VKORC1L1: variants seen among roughly 807,000 people sequenced by gnomAD.
The protein encoded by VKORC1L1 is vitamin K epoxide reductase complex subunit 1-like protein 1.
VKORC1L1 carries 2 observed loss-of-function variants against 18.9 expected under a neutral mutation model. The ratio of observed to expected loss-of-function variants is 0.11; its 90% CI spans 0.04 to 0.33. VKORC1L1 has a LOEUF of 0.33. Among genes scored for constraint, VKORC1L1 ranks in the 10% least tolerant of loss-of-function variants. The pLI is 1.00. For synonymous variants in VKORC1L1, 96 were observed against 100.0 expected, an observed-to-expected ratio of 0.96 and a Z score of 0.24; for missense variants, 123 against 224.1, an observed-to-expected ratio of 0.55 and a Z score of 2.88.
chr7:65,920,296 T>G (rs1405994172), intron 1 of VKORC1L1, among the ~76,000 whole-genome samples: 1 of 152,092 alleles, frequency 6.6e-6, no homozygotes, highest in Admixed American at 6.6e-5. Context: ...GGACATACAA[T>G]GTTGTCTATT....
intron 2 of VKORC1L1, among the ~76,000 whole-genome samples, chr7:65,951,412 A>G (rs1387622348): frequency 6.6e-6 from 1 of 151,992 alleles, no homozygotes. Context: ...CATCTCTACT[A>G]AAAATACAAA....
At chr7:65,922,579 TG>T (rs1207916427) in intron 1 of VKORC1L1, among the ~76,000 whole-genome samples, 4 of 152,034 alleles carry the variant, frequency 2.6e-5, no homozygotes, top group Non-Finnish European at 5.9e-5. Flanking sequence ...CCACTGCGCC[TG>T]GCCAGATCAT....
In VKORC1L1 at chr7:65,916,434, T is replaced by C. The variant is rs548751380; in HGVS notation, c.195-32237T>C. 4.6e-5 allele frequency among the ~76,000 whole-genome samples: 7 copies of C among 152,284 alleles called. No homozygotes were observed. The East Asian group carries it at 1.2e-3, about 25-fold the overall frequency. On this transcript the variant is annotated intron_variant, in intron 1 of 2. Coordinates refer to ENST00000360768, the MANE Select transcript of VKORC1L1 (RefSeq NM_173517.6). ...CGCCTTCGATAGCTTCCTTGTTTGG[T>C]ATGACCAGATGTTCTTGGTTCATCT...
chr7:65,873,362 C>T lies in VKORC1L1; in HGVS notation c.-10C>T, dbSNP rs1330549780. ...AGGCGGAGGGAGGCGGCGGCGGCGG[C>T]GGCGGGAAGATGGCGGCTCCCGTCC... On this transcript the variant is annotated 5_prime_UTR_variant, in exon 1 of 3. Coordinates refer to ENST00000360768, the MANE Select transcript of VKORC1L1 (RefSeq NM_173517.6). The T allele has an allele frequency of 4.8e-6, 7 of 1,471,404 alleles. 1 individual carries two copies. The highest frequency in any genetic ancestry group is 6.3e-6 in the Non-Finnish European group (7 of 1,111,600). 91.1% of individuals were successfully genotyped at this position (1,471,404 alleles called of 1,614,324 possible).
At chr7:65,866,429 A>G in the VKORC1L1 span, among the ~76,000 whole-genome samples, 20 of 152,306 alleles carry the variant, frequency 1.3e-4, no homozygotes, top group Non-Finnish European at 2.6e-4. Flanking sequence ...CACGGCTGGC[A>G]TTTGGCTTTG....
At chr7:65,929,680 G>GTATATATA (rs150255530) in intron 1 of VKORC1L1, among the ~76,000 whole-genome samples, 1,099 of 103,716 alleles carry the variant, frequency 0.011, 14 homozygotes, top group African/African-American at 0.013. Flanking sequence ...ATGTGTGTGT[G>GTATATATA]TGTATATATA....
intron 1 of VKORC1L1, among the ~76,000 whole-genome samples, chr7:65,898,446 G>T (rs938362063): frequency 1.2e-4 from 18 of 152,184 alleles, no homozygotes; most frequent in African/African-American, 3.4e-4. Flanking sequence ...AAGTCTCTGA[G>T]ATACATTAAA....
intron 1 of VKORC1L1, among the ~76,000 whole-genome samples, chr7:65,913,947 AAC>A (rs1336140682): frequency 2.0e-5 from 3 of 152,012 alleles, no homozygotes; most frequent in African/African-American, 7.2e-5. Context: ...AAGCTGCCAA[AAC>A]ACAGAGCTGG....
chr7:65,946,986 A>AT (rs1212079852), intron 1 of VKORC1L1, among the ~76,000 whole-genome samples: 18 of 149,090 alleles, frequency 1.2e-4, no homozygotes, highest in East Asian at 9.9e-4. Flanking sequence ...AATACCAAAA[A>AT]AAAAATATAT....
At chr7:65,947,031 G>A (rs540021534) in intron 1 of VKORC1L1, among the ~76,000 whole-genome samples, 4 of 151,986 alleles carry the variant, frequency 2.6e-5, no homozygotes, top group South Asian at 2.1e-4. Context: ...CAGCTACTTC[G>A]GGAGGCTGAG....
chr7:65,873,138 C>A lies in VKORC1L1; in HGVS notation c.-234C>A. The A allele has an allele frequency of 3.0e-6, 1 of 335,270 alleles. No homozygotes were observed. The highest frequency in any genetic ancestry group is 4.2e-6 in the Non-Finnish European group (1 of 236,088). 20.8% of individuals were successfully genotyped at this position (335,270 alleles called of 1,614,324 possible). A position where few individuals can be genotyped will look rare whatever the true frequency, so the allele number is the denominator to read the frequency against. ...ACTCCACCCCCTCCCTCCGCGCCCG[C>A]GCGCGCCTTCCCCGCCCCGTCCGCC... On this transcript the variant is annotated 5_prime_UTR_variant, in exon 1 of 3. Transcript: ENST00000360768.
intron 1 of VKORC1L1, among the ~76,000 whole-genome samples, chr7:65,906,726 A>G (rs1789412005): frequency 6.6e-6 from 1 of 152,172 alleles, no homozygotes; most frequent in African/African-American, 2.4e-5. Flanking sequence ...TGCAACAGAA[A>G]TCAGTGGCGT....
chr7:65,931,184 T>G (rs763958300), intron 1 of VKORC1L1, among the ~76,000 whole-genome samples: 126 of 149,328 alleles, frequency 8.4e-4, no homozygotes, highest in Admixed American at 1.5e-3. Flanking sequence ...TCTGTGGTGG[T>G]TTTTTTTTTC....
rs768037728 is a variant in VKORC1L1 at position 65,954,461 on chromosome 7, C to T, written c.*161C>T. 6 of 1,221,094 alleles carry T rather than the reference C, an allele frequency of 4.9e-6. No individual in the cohort carries two copies. The highest frequency in any genetic ancestry group is 4.3e-6 in the Non-Finnish European group (4 of 925,186). 75.6% of individuals were successfully genotyped at this position (1,221,094 alleles called of 1,614,324 possible). ...AATCCGGTAAATTAGAAGGGGCCCT[C>T]GCTATTTTCTGTGTCAGTCTTCATT... On this transcript the variant is annotated 3_prime_UTR_variant, in exon 3 of 3. Transcript: ENST00000360768.
intron 1 of VKORC1L1, among the ~76,000 whole-genome samples, chr7:65,904,609 T>C (rs1316246808): frequency 6.6e-6 from 1 of 152,010 alleles, no homozygotes; most frequent in Admixed American, 6.6e-5. Flanking sequence ...ACAACTACCA[T>C]AAAAATTAAA....
At chr7:65,900,234 A>C (rs970050871) in intron 1 of VKORC1L1, among the ~76,000 whole-genome samples, 3 of 145,986 alleles carry the variant, frequency 2.1e-5, no homozygotes, top group Non-Finnish European at 3.0e-5. Context: ...CTAAAAATAC[A>C]AAAAAATTAG....
chr7:65,887,498 T>A (rs1446960179), intron 1 of VKORC1L1, among the ~76,000 whole-genome samples: 3 of 151,732 alleles, frequency 2.0e-5, no homozygotes, highest in African/African-American at 7.3e-5. Context: ...CTAATTGTGC[T>A]ATGGCCTCCC....
chr7:65,936,479 C>T (rs1313916933), intron 1 of VKORC1L1, among the ~76,000 whole-genome samples: 1 of 152,182 alleles, frequency 6.6e-6, no homozygotes, highest in Non-Finnish European at 1.5e-5. Context: ...TCTGCCTCTC[C>T]TTCTGTGGGT....
chr7:65,941,673 G>GTT (rs57537567), intron 1 of VKORC1L1, among the ~76,000 whole-genome samples: 1,199 of 66,312 alleles, frequency 0.018, no homozygotes, highest in Non-Finnish European at 0.021. Context: ...TTTTCTTAAG[G>GTT]TTTTTTTTTT....
Sources: gnomAD v4.1 joint callset for allele counts (sites outside exome capture counted in the v4.1 genomes callset) on GRCh38, gnomAD v4.1.1 for gene constraint, MANE v1.5 for transcripts, NCBI Gene and HGNC (gene_info 2026-07-23, HGNC 2026-07-21) for gene names.